FAM167A: variants seen among roughly 807,000 people sequenced by gnomAD.
FAM167A encodes the protein family with sequence similarity 167 member A, also known as protein FAM167A.
In FAM167A, 23 loss-of-function variants were observed where a neutral mutation model predicts 14.9. That is an observed-to-expected ratio of 1.55 (90% CI 1.11 to 2.19). FAM167A has a LOEUF of 2.19. Among genes scored for constraint, FAM167A ranks in the 30% most tolerant of loss-of-function variants. FAM167A has a pLI of 0.00. For synonymous variants in FAM167A, 174 were observed against 117.7 expected (o/e 1.48, Z -3.10); for missense variants, 401 against 281.5 (o/e 1.42, Z -3.04).
intron 1 of FAM167A, among the ~76,000 whole-genome samples, chr8:11,456,151 A>G (rs762638931): frequency 0.049 from 247 of 5,036 alleles, no homozygotes; most frequent in South Asian, 0.055. Flanking sequence ...GTGTGTGTGA[A>G]TGTGGGGGGT....
Position 11,423,837 on chromosome 8 carries a change from C to G in FAM167A, c.*536G>C, listed in dbSNP as rs965008978. The G allele has an allele frequency of 1.3e-5, 2 of 158,530 alleles. No homozygotes were observed. The highest frequency in any genetic ancestry group is 2.4e-5 in the African/African-American group (1 of 41,532). 9.8% of individuals were successfully genotyped at this position (158,530 alleles called of 1,614,324 possible). A position where few individuals can be genotyped will look rare whatever the true frequency, so the allele number is the denominator to read the frequency against. On this transcript the variant is annotated 3_prime_UTR_variant, in exon 3 of 3. Transcript: ENST00000284486. ...GTCCCCAAGTGCCCATTTGTCATGC[C>G]TTTCGATTTTCCCTTCCTAGTAGCT... is the stretch of plus-strand genomic sequence containing the variant.
chr8:11,443,685 C>T, intron 2 of FAM167A: 1 of 237,652 alleles, frequency 4.2e-6, no homozygotes, highest in Non-Finnish European at 8.3e-6. Context: ...GAGGTTCCAG[C>T]ACAGAGGGAG....
At chr8:11,464,163 C>CA (rs1460921753) in intron 1 of FAM167A, among the ~76,000 whole-genome samples, 1 of 113,140 alleles carries the variant, frequency 8.8e-6, no homozygotes, top group Non-Finnish European at 2.4e-5. Context: ...GTGGGAGCAG[C>CA]CCCCCTTGAA....
At chr8:11,464,021 T>G (rs998532806) in intron 1 of FAM167A, among the ~76,000 whole-genome samples, 1 of 152,164 alleles carries the variant, frequency 6.6e-6, no homozygotes, top group Non-Finnish European at 1.5e-5. Flanking sequence ...AGAGGCCCCC[T>G]TGACGGCTGT....
intron 1 of FAM167A, among the ~76,000 whole-genome samples, chr8:11,449,948 G>A (rs951622052): frequency 4.6e-5 from 7 of 152,176 alleles, no homozygotes; most frequent in Non-Finnish European, 7.3e-5. Flanking sequence ...GCTCCCAAGG[G>A]CAGGGGAAGA....
intron 2 of FAM167A, among the ~76,000 whole-genome samples, chr8:11,431,365 G>C (rs995640578): frequency 5.9e-5 from 9 of 152,232 alleles, no homozygotes; most frequent in Non-Finnish European, 1.0e-4. Context: ...TGGAAAGCAG[G>C]ACAGTGGTGC....
intron 1 of FAM167A, chr8:11,445,513 G>A (rs369198875): frequency 3.0e-6 from 3 of 985,678 alleles, no homozygotes; most frequent in African/African-American, 3.5e-5. Flanking sequence ...AGCAGGCTGT[G>A]ACTCATTGTT....
At chr8:11,445,298 G>A (rs530783326) in intron 1 of FAM167A, 52 of 985,934 alleles carry the variant, frequency 5.3e-5, no homozygotes, top group South Asian at 9.4e-5. Flanking sequence ...GGTCTGCTCC[G>A]TCCAGGTGCC....
At chr8:11,433,110 C>T (rs559217448) in intron 2 of FAM167A, among the ~76,000 whole-genome samples, 8 of 151,966 alleles carry the variant, frequency 5.3e-5, no homozygotes, top group East Asian at 1.9e-4. Flanking sequence ...ATGTAGGTGA[C>T]GGGTTGTTGG....
At chr8:11,451,673 C>A (rs1281624189) in intron 1 of FAM167A, among the ~76,000 whole-genome samples, 1 of 152,162 alleles carries the variant, frequency 6.6e-6, no homozygotes, top group Admixed American at 6.5e-5. Flanking sequence ...TGAGCTTGGC[C>A]AGTCAGCTGT....
chr8:11,440,395 G>T (rs1806365117), intron 2 of FAM167A, among the ~76,000 whole-genome samples: 1 of 152,246 alleles, frequency 6.6e-6, no homozygotes, highest in African/African-American at 2.4e-5. Flanking sequence ...AGGAGTGACA[G>T]TCATTTCCTT....
At chr8:11,474,766 T>A (rs1447303740) in intron 1 of FAM167A, 2 of 149,204 alleles carry the variant, frequency 1.3e-5, no homozygotes, top group Admixed American at 6.7e-5. Flanking sequence ...GATGACGCCA[T>A]AGGCTTACGG....
chr8:11,426,736 A>G (rs1163929192), intron 2 of FAM167A, among the ~76,000 whole-genome samples: 2 of 152,170 alleles, frequency 1.3e-5, no homozygotes, highest in Non-Finnish European at 2.9e-5. Flanking sequence ...TGGGTCTTTG[A>G]TCAGCCTTTG....
At chr8:11,426,581 G>T (rs1805175625) in intron 2 of FAM167A, among the ~76,000 whole-genome samples, 1 of 152,080 alleles carries the variant, frequency 6.6e-6, no homozygotes, top group South Asian at 2.1e-4. Flanking sequence ...CGTTAAGGAT[G>T]CACACCTGGG....
chr8:11,474,409 G>A (rs1797804954), intron 1 of FAM167A, among the ~76,000 whole-genome samples: 1 of 152,194 alleles, frequency 6.6e-6, no homozygotes, highest in African/African-American at 2.4e-5. Flanking sequence ...AGACAAACAT[G>A]CCCCGTGGTT....
chr8:11,474,186 A>G (rs1259693629), intron 1 of FAM167A, among the ~76,000 whole-genome samples: 1 of 152,152 alleles, frequency 6.6e-6, no homozygotes, highest in Non-Finnish European at 1.5e-5. Context: ...ACACTGTTTT[A>G]TCACGTCTGC....
chr8:11,449,844 G>A (rs1054091841), intron 1 of FAM167A, among the ~76,000 whole-genome samples: 3 of 152,212 alleles, frequency 2.0e-5, no homozygotes, highest in African/African-American at 7.2e-5. Flanking sequence ...TCTGGCTGCT[G>A]GAGGAGCCAG....
At chr8:11,427,092 T>G (rs1273624998) in intron 2 of FAM167A, among the ~76,000 whole-genome samples, 1 of 152,224 alleles carries the variant, frequency 6.6e-6, no homozygotes, top group Non-Finnish European at 1.5e-5. Context: ...GCAGCTATCT[T>G]ATCTAGAAAT....
At chr8:11,470,866 C>G (rs1318339100), upstream of FAM167A, among the ~76,000 whole-genome samples, 1 of 152,102 alleles carries the variant, frequency 6.6e-6, no homozygotes, top group Non-Finnish European at 1.5e-5. Context: ...AAGTGACTGT[C>G]TTAGGCATGT....
Sources: gnomAD v4.1 joint callset for allele counts (sites outside exome capture counted in the v4.1 genomes callset) on GRCh38, gnomAD v4.1.1 for gene constraint, MANE v1.5 for transcripts, NCBI Gene and HGNC (gene_info 2026-07-23, HGNC 2026-07-21) for gene names.